The following RALGAPA2 variants were observed in gnomAD, a reference collection of about 807,000 sequenced individuals.
RALGAPA2 encodes the protein Ral GTPase activating protein catalytic subunit alpha 2, also known as ral GTPase-activating protein subunit alpha-2.
In RALGAPA2, 139 loss-of-function variants were observed where a neutral mutation model predicts 230.4. That is an observed-to-expected ratio of 0.60 (90% confidence interval 0.53 to 0.69). The LOEUF is 0.69. Ranked by LOEUF, RALGAPA2 falls within the 30% of genes least tolerant of loss-of-function variation. RALGAPA2 has a pLI of 0.00. For synonymous variants in RALGAPA2, 847 were observed against 837.8 expected, an observed-to-expected ratio of 1.01 and a Z score of -0.19; for missense variants, 2,163 against 2,276.0, an observed-to-expected ratio of 0.95 and a Z score of 1.01.
At chr20:20,441,056 G>A (rs906015760) in intron 37 of RALGAPA2, among the ~76,000 whole-genome samples, 5 of 152,190 alleles carry the variant, frequency 3.3e-5, no homozygotes, top group South Asian at 2.1e-4. Context: ...ATGCTTCTTC[G>A]GAATGGAGCA....
chr20:20,708,579 C>A (rs1306095487), intron 1 of RALGAPA2, among the ~76,000 whole-genome samples: 1 of 152,198 alleles, frequency 6.6e-6, no homozygotes, highest in African/African-American at 2.4e-5. Flanking sequence ...GATTGTGAGG[C>A]CTCCCGAGGC....
In RALGAPA2 at chr20:20,555,318, T is replaced by A. The variant is rs191982234; in HGVS notation, c.3157-8486A>T. On this transcript the variant is annotated intron_variant, in intron 23 of 39. Transcript: ENST00000202677. ...TTCACCAGGACCACACTGTTTGGAT[T>A]ACTCTAGCTTTTTAGGAACTTTTGA... 1.2e-3 allele frequency among the ~76,000 whole-genome samples: 185 copies of A among 152,382 alleles called. 1 individual carries two copies. Among genetic ancestry groups the A allele is most frequent in the African/African-American group, 4.1e-3 (171 of 41,592 alleles).
At chr20:20,526,470 T>C in intron 27 of RALGAPA2, 108 bp from the exon 28 acceptor site, 1 of 716,724 alleles carries the variant, frequency 1.4e-6, no homozygotes. Flanking sequence ...TACATTTATC[T>C]GTTTTGCCTC....
intron 38 of RALGAPA2, among the ~76,000 whole-genome samples, chr20:20,408,625 C>G (rs1346304059): frequency 6.6e-6 from 1 of 152,238 alleles, no homozygotes; most frequent in Non-Finnish European, 1.5e-5. Context: ...TCCCTCCCAG[C>G]AGTCGAGGGT....
chr20:20,528,992 G>C (rs1569464976), intron 27 of RALGAPA2, among the ~76,000 whole-genome samples: 2 of 152,138 alleles, frequency 1.3e-5, no homozygotes, highest in East Asian at 3.9e-4. Flanking sequence ...GTTCCTTGTA[G>C]CAACTCTTTC....
At chr20:20,591,431 T>C in intron 16 of RALGAPA2, 117 bp from the exon 17 acceptor site, 2 of 1,216,532 alleles carry the variant, frequency 1.6e-6, no homozygotes, top group Non-Finnish European at 2.3e-6. Flanking sequence ...AAATAATTTA[T>C]AGTCAGATAA....
At chr20:20,641,006 C>T in intron 5 of RALGAPA2, 128 bp from the exon 6 acceptor site, 1 of 777,308 alleles carries the variant, frequency 1.3e-6, no homozygotes, top group Non-Finnish European at 2.0e-6. Flanking sequence ...CCAAATTCTT[C>T]ACTTAGTGAC....
At chr20:20,709,707 C>T (rs1030850070) in intron 1 of RALGAPA2, among the ~76,000 whole-genome samples, 2 of 152,106 alleles carry the variant, frequency 1.3e-5, no homozygotes, top group African/African-American at 4.8e-5. Flanking sequence ...TTAATCATAC[C>T]AGACCAGTCT....
intron 2 of RALGAPA2, among the ~76,000 whole-genome samples, chr20:20,677,276 G>T (rs1395942809): frequency 6.6e-6 from 1 of 152,192 alleles, no homozygotes; most frequent in Non-Finnish European, 1.5e-5. Flanking sequence ...GGAAGTCAGA[G>T]AACATCTCTC....
intron 39 of RALGAPA2, among the ~76,000 whole-genome samples, chr20:20,394,403 C>T (rs6137019): frequency 0.043 from 6,507 of 152,174 alleles, 287 homozygotes; most frequent in East Asian, 0.2. Context: ...TGCAGCCGGG[C>T]GCGGTGGGCG....
chr20:20,604,336 T>C (rs1048585468), intron 15 of RALGAPA2, among the ~76,000 whole-genome samples: 4 of 152,174 alleles, frequency 2.6e-5, no homozygotes, highest in South Asian at 2.1e-4. Flanking sequence ...ACCACTGATG[T>C]TTTCTACCTT....
chr20:20,590,466 T>C (rs2065254559), intron 17 of RALGAPA2, among the ~76,000 whole-genome samples: 1 of 152,220 alleles, frequency 6.6e-6, no homozygotes. Flanking sequence ...CATTAAAAGA[T>C]ATGAGATAAC....
Position 20,521,119 on chromosome 20 carries a change from T to C in RALGAPA2, c.3901-19A>G. The C allele has an allele frequency of 1.3e-6, 2 of 1,573,790 alleles. No homozygotes were observed. Among genetic ancestry groups the C allele is most frequent in the Non-Finnish European group, 1.7e-6 (2 of 1,152,104 alleles). ...GCAAAACCTGTGAAAACAGAGGCCA[T>C]GTGCACCACGGATGCTACTCACCGC... On this transcript the variant is annotated intron_variant, in intron 30 of 39. Transcript: ENST00000202677.
intron 35 of RALGAPA2, among the ~76,000 whole-genome samples, chr20:20,495,522 G>C (rs558223205): frequency 6.6e-6 from 1 of 152,316 alleles, no homozygotes; most frequent in Non-Finnish European, 1.5e-5. Flanking sequence ...CAGCTGGATG[G>C]GGCTGAGGCC....
At chr20:20,627,763 G>T (rs370349524) in intron 10 of RALGAPA2, among the ~76,000 whole-genome samples, 225 of 152,330 alleles carry the variant, frequency 1.5e-3, no homozygotes, top group African/African-American at 5.2e-3. Flanking sequence ...TCCGCTGCCA[G>T]TAACAAATCT....
chr20:20,707,002 A>C (rs1363454457), intron 1 of RALGAPA2, among the ~76,000 whole-genome samples: 4 of 152,156 alleles, frequency 2.6e-5, no homozygotes, highest in Non-Finnish European at 5.9e-5. Flanking sequence ...TCCAGATCCC[A>C]TGTCCCACAA....
In RALGAPA2 at chr20:20,707,626, G is replaced by A. The variant is rs150576725; in HGVS notation, c.106+4749C>T. ...AACATATGCACAAAAGGAACTATAC[G>A]ACAATGCTATGTTTTGCTCTGTTTG... On this transcript the variant is annotated intron_variant, in intron 1 of 39. Coordinates refer to ENST00000202677, the MANE Select transcript of RALGAPA2 (RefSeq NM_020343.4). Among the ~76,000 whole-genome samples the A allele has an allele frequency of 8.1e-3, 1,226 of 152,188 alleles. 15 individuals are homozygous for A. The highest frequency in any genetic ancestry group is 0.028 in the African/African-American group (1,177 of 41,526).
rs114945413 is a variant in RALGAPA2 at position 20,407,791 on chromosome 20, G to A, written c.5617+4236C>T. ...AAGTGGCAATAATAACCCTTTCCAC[G>A]AGGGCATCCAAGCAATTGTGTGAAA... is the stretch of plus-strand genomic sequence containing the variant. On this transcript the variant is annotated intron_variant, in intron 38 of 39. Coordinates refer to ENST00000202677, the MANE Select transcript of RALGAPA2 (RefSeq NM_020343.4). Among the ~76,000 whole-genome samples, 911 of 152,296 alleles carry A rather than the reference G, an allele frequency of 6.0e-3. 6 individuals carry two copies. Among genetic ancestry groups the A allele is most frequent in the African/African-American group, 0.021 (861 of 41,546 alleles).
intron 8 of RALGAPA2, among the ~76,000 whole-genome samples, chr20:20,636,560 G>T (rs1443004378): frequency 1.4e-5 from 2 of 147,128 alleles, no homozygotes; most frequent in South Asian, 4.2e-4. Context: ...GTGTGTGTAT[G>T]TGTGTGTGTG....
Sources: gnomAD v4.1 joint callset for allele counts (sites outside exome capture counted in the v4.1 genomes callset) on GRCh38, gnomAD v4.1.1 for gene constraint, MANE v1.5 for transcripts, NCBI Gene and HGNC (gene_info 2026-07-23, HGNC 2026-07-21) for gene names.